The following ZNRF2 variants were observed in gnomAD, a reference collection of about 807,000 sequenced individuals.
The protein encoded by ZNRF2 is E3 ubiquitin-protein ligase ZNRF2.
In ZNRF2, 16 loss-of-function variants were observed where a neutral mutation model predicts 20.4. That is an observed-to-expected ratio of 0.79 (90% CI 0.53 to 1.19). ZNRF2 has a LOEUF of 1.19. Ranked by LOEUF, ZNRF2 falls within the 50% of genes most tolerant of loss-of-function variation. The pLI is 0.00. For synonymous variants in ZNRF2, 178 were observed against 144.9 expected, an observed-to-expected ratio of 1.23 and a Z score of -1.64; for missense variants, 363 against 332.4, an observed-to-expected ratio of 1.09 and a Z score of -0.72.
At chr7:30,356,539 C>T (rs1443184705) in intron 3 of ZNRF2, among the ~76,000 whole-genome samples, 1 of 151,990 alleles carries the variant, frequency 6.6e-6, no homozygotes, top group Non-Finnish European at 1.5e-5. Context: ...CATAAGTATA[C>T]ATAACATTTG....
At chr7:30,285,849 C>A (rs758174917) in intron 1 of ZNRF2, 23 bp downstream of exon 1, 2 of 1,463,668 alleles carry the variant, frequency 1.4e-6, no homozygotes, top group Non-Finnish European at 1.8e-6. Flanking sequence ...CTCCGCGCAC[C>A]CGCGCTCGGT....
At chr7:30,309,729 C>T (rs995107245) in intron 1 of ZNRF2, among the ~76,000 whole-genome samples, 4 of 151,914 alleles carry the variant, frequency 2.6e-5, no homozygotes, top group African/African-American at 4.8e-5. Context: ...GAAAGGTACC[C>T]GGTAATTTTT....
At chr7:30,331,820 G>C (rs921436455) in intron 2 of ZNRF2, among the ~76,000 whole-genome samples, 2 of 152,104 alleles carry the variant, frequency 1.3e-5, no homozygotes, top group Non-Finnish European at 2.9e-5. Context: ...ATATTTTACC[G>C]TGTTCCATTT....
At position 30,285,863 on chromosome 7, in the gene ZNRF2, C is replaced by A. The variant is rs577807914; in HGVS notation, c.469+37C>A. On this transcript the variant is annotated intron_variant, in intron 1 of 4. Coordinates refer to ENST00000323037, the MANE Select transcript of ZNRF2 (RefSeq NM_147128.4). ...TCTCCGCGCACCCGCGCTCGGTCCT[C>A]CCGCGGCTGCACGTGGGCCGTGGCC... 4,651 of 1,423,822 alleles carry A rather than the reference C, an allele frequency of 3.3e-3. 9 individuals are homozygous for A. The highest frequency in any genetic ancestry group is 4.0e-3 in the Non-Finnish European group (4,409 of 1,091,588). The allele number at this position is 1,423,822 out of a possible 1,614,324, so 88.2% of individuals were successfully genotyped here.
At chr7:30,314,489 G>A (rs1331195781) in intron 1 of ZNRF2, among the ~76,000 whole-genome samples, 1 of 152,070 alleles carries the variant, frequency 6.6e-6, no homozygotes, top group Non-Finnish European at 1.5e-5. Flanking sequence ...TAAAGCTAAT[G>A]GGATATTTTT....
chr7:30,301,882 A>T (rs1273420962), intron 1 of ZNRF2, among the ~76,000 whole-genome samples: 2 of 152,194 alleles, frequency 1.3e-5, no homozygotes, highest in South Asian at 2.1e-4. Context: ...AAGAACTGTG[A>T]TGAGACGTGG....
chr7:30,305,650 G>C (rs1247286382), intron 1 of ZNRF2, among the ~76,000 whole-genome samples: 4 of 152,082 alleles, frequency 2.6e-5, no homozygotes, highest in African/African-American at 9.7e-5. Flanking sequence ...GTTTTTGTGT[G>C]TATGATTTAA....
At chr7:30,301,804 A>G (rs1026142760) in intron 1 of ZNRF2, among the ~76,000 whole-genome samples, 2 of 152,006 alleles carry the variant, frequency 1.3e-5, no homozygotes, top group African/African-American at 2.4e-5. Context: ...AATTAAATGT[A>G]TAATATAAGA....
At chr7:30,287,745 T>A (rs575152161) in intron 1 of ZNRF2, among the ~76,000 whole-genome samples, 3,712 of 129,904 alleles carry the variant, frequency 0.029, 39 homozygotes, top group African/African-American at 0.062. Flanking sequence ...CAGCAGCCTT[T>A]CTCACCCGGC....
intron 1 of ZNRF2, among the ~76,000 whole-genome samples, chr7:30,317,001 T>C (rs1022679574): frequency 4.0e-5 from 6 of 151,822 alleles, no homozygotes; most frequent in South Asian, 2.1e-4. Context: ...TTGCCCCCCC[T>C]TTTTTTTACT....
intron 3 of ZNRF2, among the ~76,000 whole-genome samples, chr7:30,358,706 G>A (rs921580201): frequency 8.5e-5 from 13 of 152,208 alleles, no homozygotes. Context: ...GCACAGGTGA[G>A]CCAGTGGAAC....
At chr7:30,328,196 T>G (rs957414384) in intron 2 of ZNRF2, among the ~76,000 whole-genome samples, 1 of 152,180 alleles carries the variant, frequency 6.6e-6, no homozygotes, top group Non-Finnish European at 1.5e-5. Flanking sequence ...TTGGCTCCTT[T>G]AATACCTCAT....
intron 4 of ZNRF2, among the ~76,000 whole-genome samples, chr7:30,363,834 C>G (rs558440456): frequency 2.0e-5 from 3 of 151,804 alleles, no homozygotes; most frequent in African/African-American, 7.3e-5. Flanking sequence ...AACTTAATTG[C>G]TATCTTCAAA....
At chr7:30,321,079 C>T (rs1044783966) in intron 1 of ZNRF2, among the ~76,000 whole-genome samples, 1 of 152,118 alleles carries the variant, frequency 6.6e-6, no homozygotes, top group South Asian at 2.1e-4. Flanking sequence ...CTTCCCTGCC[C>T]GTTGCCGTGC....
At position 30,355,710 on chromosome 7, in the gene ZNRF2, C is replaced by A; in HGVS notation, c.566-18C>A. ...ATGGATAATTTTATTGTCCTGAATT[C>A]ATTTTCTCTTTCTTCAGAGGATGTA... On this transcript the variant is annotated intron_variant, in intron 2 of 4. Transcript: ENST00000323037. The A allele has an allele frequency of 6.3e-7, 1 of 1,580,284 alleles. No homozygotes were observed. The highest frequency in any genetic ancestry group is 1.1e-5 in the South Asian group (1 of 88,786).
At chr7:30,344,065 G>A (rs1001903174) in intron 2 of ZNRF2, among the ~76,000 whole-genome samples, 1 of 151,392 alleles carries the variant, frequency 6.6e-6, no homozygotes, top group Non-Finnish European at 1.5e-5. Flanking sequence ...GATTACAGGC[G>A]CCTGCCATCA....
intron 1 of ZNRF2, among the ~76,000 whole-genome samples, chr7:30,301,201 G>C (rs541331399): frequency 9.1e-4 from 138 of 152,276 alleles, no homozygotes; most frequent in African/African-American, 3.2e-3. Context: ...CTAGGAAAGG[G>C]GCCAGGTGCC....
chr7:30,330,038 C>G (rs958411209), intron 2 of ZNRF2, among the ~76,000 whole-genome samples: 2 of 152,156 alleles, frequency 1.3e-5, no homozygotes, highest in Non-Finnish European at 2.9e-5. Flanking sequence ...TTTGATGTAG[C>G]AAATTCTTAG....
chr7:30,323,470 A>G (rs1799506402), intron 1 of ZNRF2, among the ~76,000 whole-genome samples, 172 bp from the exon 2 acceptor site: 1 of 152,224 alleles, frequency 6.6e-6, no homozygotes, highest in Non-Finnish European at 1.5e-5. Context: ...AACTGATACA[A>G]AAGTCAGATA....
Sources: allele counts gnomAD v4.1 joint callset (sites outside exome capture counted in the v4.1 genomes callset), GRCh38; gene constraint gnomAD v4.1.1; transcripts MANE v1.5; gene names NCBI Gene and HGNC (gene_info 2026-07-23, HGNC 2026-07-21).